The following GLIPR2 variants were observed in gnomAD, a reference collection of about 807,000 sequenced individuals.
The protein encoded by GLIPR2 is Golgi-associated plant pathogenesis-related protein 1.
A neutral mutation model predicts 20.4 loss-of-function variants in GLIPR2; 21 were observed. The ratio of observed to expected loss-of-function variants is 1.03; its 90% CI spans 0.73 to 1.48. GLIPR2 has a LOEUF of 1.48. Among genes scored for constraint, GLIPR2 ranks in the 40% most tolerant of loss-of-function variants. The probability of loss-of-function intolerance (pLI) is 0.00; values close to 1 mark genes in which losing one functional copy is unlikely to be tolerated. For missense variants in GLIPR2, 205 were observed against 200.1 expected, an observed-to-expected ratio of 1.02 and a Z score of -0.15; for synonymous variants, 91 against 80.5, an observed-to-expected ratio of 1.13 and a Z score of -0.70.
chr9:36,142,579 G>A (rs868842187), intron 1 of GLIPR2, among the ~76,000 whole-genome samples: 16 of 152,182 alleles, frequency 1.1e-4, no homozygotes, highest in Non-Finnish European at 1.2e-4. Flanking sequence ...CTCTGAGGCC[G>A]TGTGGACTTT....
At chr9:36,154,135 G>A (rs1437881986) in intron 4 of GLIPR2, among the ~76,000 whole-genome samples, 1 of 140,370 alleles carries the variant, frequency 7.1e-6, no homozygotes, top group Non-Finnish European at 1.5e-5. Context: ...TCACTCCGTT[G>A]CCCCGGCTGA....
chr9:36,146,370 G>A (rs1008418709), intron 1 of GLIPR2, among the ~76,000 whole-genome samples: 11 of 152,112 alleles, frequency 7.2e-5, no homozygotes, highest in African/African-American at 1.7e-4. Flanking sequence ...TGGAGGGGAC[G>A]TTCAAACCAA....
chr9:36,162,269 G>A, intron 4 of GLIPR2, 93 bp from the exon 5 acceptor site: 1 of 1,604,996 alleles, frequency 6.2e-7, no homozygotes, highest in Non-Finnish European at 8.5e-7. Flanking sequence ...AGCCTGGCAA[G>A]ATGGTACAGG....
rs55951749 is a variant in GLIPR2 at position 36,154,051 on chromosome 9, C to CATATTATATATTAT, written c.304+3128_304+3141dup. 6.6e-4 allele frequency among the ~76,000 whole-genome samples: 89 copies of CATATTATATATTAT among 134,834 alleles called. 1 individual carries two copies. Among genetic ancestry groups the CATATTATATATTAT allele is most frequent in the Middle Eastern group, 3.7e-3 (1 of 272 alleles). The allele number at this position is 134,834 out of a possible 152,430, so 88.5% of individuals were successfully genotyped here. On this transcript the variant is annotated intron_variant, in intron 4 of 4. Transcript: ENST00000377960. ...TGAGTGAAGAGAAACAATGTCTTAT[C>CATATTATATATTAT]ATATTATATATTATATATTATATAT...
chr9:36,142,936 C>T (rs1825152208), intron 1 of GLIPR2, among the ~76,000 whole-genome samples: 1 of 151,924 alleles, frequency 6.6e-6, no homozygotes, highest in African/African-American at 2.4e-5. Flanking sequence ...GAGAGGACTC[C>T]CCCACCACCG....
chr9:36,162,224 C>G, intron 4 of GLIPR2, 138 bp from the exon 5 acceptor site: 2 of 1,573,904 alleles, frequency 1.3e-6, no homozygotes, highest in Non-Finnish European at 1.7e-6. Flanking sequence ...TCTCTCCTTC[C>G]CCTGCAGGGG....
chr9:36,138,287 C>T (rs933900946), intron 1 of GLIPR2, among the ~76,000 whole-genome samples: 1 of 151,778 alleles, frequency 6.6e-6, no homozygotes, highest in Admixed American at 6.6e-5. Context: ...TGCAGTGGTG[C>T]GATCTCGGCT....
chr9:36,149,505 G>A (rs1825488214), intron 3 of GLIPR2, among the ~76,000 whole-genome samples: 3 of 152,226 alleles, frequency 2.0e-5, no homozygotes, highest in African/African-American at 7.2e-5. Context: ...CACCCTGCAG[G>A]CTCCTTCCCA....
At chr9:36,162,265 G>A (rs1405887711) in intron 4 of GLIPR2, 97 bp from the exon 5 acceptor site, 1 of 1,604,154 alleles carries the variant, frequency 6.2e-7, no homozygotes, top group Non-Finnish European at 8.5e-7. Flanking sequence ...CCTGAGCCTG[G>A]CAAGATGGTA....
At position 36,163,889 on chromosome 9, in the gene GLIPR2, ATCTTTT is replaced by A. The variant is rs1826172785; in HGVS notation, c.*1373_*1378del. ...GGATATTGACTAAGAAGACAATAAA[ATCTTTT>A]TCTTTGTGTAATAACCTCCTCCAAT... is the stretch of plus-strand genomic sequence containing the variant. On this transcript the variant is annotated 3_prime_UTR_variant, in exon 5 of 5. Coordinates refer to ENST00000377960, the MANE Select transcript of GLIPR2 (RefSeq NM_022343.4). 1 of 152,658 alleles carries A rather than the reference ATCTTTT, an allele frequency of 6.6e-6. No homozygotes were observed. The highest frequency in any genetic ancestry group is 2.4e-5 in the African/African-American group (1 of 41,448). 9.5% of individuals were successfully genotyped at this position (152,658 alleles called of 1,614,324 possible). A position where few individuals can be genotyped will look rare whatever the true frequency, so the allele number is the denominator to read the frequency against.
At chr9:36,143,920 C>T (rs1051802917) in intron 1 of GLIPR2, among the ~76,000 whole-genome samples, 1 of 152,148 alleles carries the variant, frequency 6.6e-6, no homozygotes, top group African/African-American at 2.4e-5. Context: ...TCTGGGGCCC[C>T]AGAATTCATC....
At chr9:36,138,221 CT>C (rs530709345) in intron 1 of GLIPR2, among the ~76,000 whole-genome samples, 1,564 of 148,330 alleles carry the variant, frequency 0.011, 14 homozygotes, top group African/African-American at 0.026. Flanking sequence ...CCTTAGGCTA[CT>C]TTTTTTTTTT....
intron 4 of GLIPR2, among the ~76,000 whole-genome samples, chr9:36,160,206 A>G (rs1825996280): frequency 6.6e-6 from 1 of 152,108 alleles, no homozygotes; most frequent in Non-Finnish European, 1.5e-5. Flanking sequence ...TATTTTTAGT[A>G]GAGATGGGGT....
At chr9:36,146,614 A>T (rs930328530) in intron 1 of GLIPR2, among the ~76,000 whole-genome samples, 3 of 152,234 alleles carry the variant, frequency 2.0e-5, no homozygotes, top group Non-Finnish European at 4.4e-5. Context: ...CATTGGTGGG[A>T]CAGGCATAGG....
chr9:36,146,438 A>C (rs2132730383), intron 1 of GLIPR2, among the ~76,000 whole-genome samples: 1 of 152,066 alleles, frequency 6.6e-6, no homozygotes, highest in East Asian at 1.9e-4. Flanking sequence ...AAATATATTC[A>C]CTCCATCCCA....
chr9:36,150,153 G>A (rs1482090440), intron 3 of GLIPR2, among the ~76,000 whole-genome samples: 1 of 152,244 alleles, frequency 6.6e-6, no homozygotes, highest in East Asian at 1.9e-4. Flanking sequence ...AGGTGAGGCT[G>A]ATGTGTGGAA....
At chr9:36,144,276 C>A (rs1038651516) in intron 1 of GLIPR2, 1 of 152,218 alleles carries the variant, frequency 6.6e-6, no homozygotes, top group Non-Finnish European at 1.5e-5. Context: ...ACCCTGAAAT[C>A]TTTTTGTTTA....
At chr9:36,153,588 T>C (rs535995395) in intron 4 of GLIPR2, among the ~76,000 whole-genome samples, 2 of 152,174 alleles carry the variant, frequency 1.3e-5, no homozygotes, top group East Asian at 3.9e-4. Context: ...GAGTCCTTGT[T>C]GTAGGTGAAA....
Position 36,151,014 on chromosome 9 carries a change from C to T in GLIPR2, c.304+65C>T, listed in dbSNP as rs758416787. 5.8e-6 allele frequency: 6 copies of T among 1,036,378 alleles called. No homozygotes were observed. The African/African-American group carries it at 7.8e-5, about 14-fold the overall frequency. The allele number at this position is 1,036,378 out of a possible 1,614,324, so 64.2% of individuals were successfully genotyped here. A position where few individuals can be genotyped will look rare whatever the true frequency, so the allele number is the denominator to read the frequency against. On this transcript the variant is annotated intron_variant, in intron 4 of 4. Coordinates refer to ENST00000377960, the MANE Select transcript of GLIPR2 (RefSeq NM_022343.4). ...GCAATGCAGGTTGGGTGTCTGACTT[C>T]AGGGAGGAACCAGCCCTCTAAAAAA...
Sources: gnomAD v4.1 joint callset for allele counts (sites outside exome capture counted in the v4.1 genomes callset) on GRCh38, gnomAD v4.1.1 for gene constraint, MANE v1.5 for transcripts, NCBI Gene and HGNC (gene_info 2026-07-23, HGNC 2026-07-21) for gene names.